The following DIP2B variants were observed in gnomAD, a reference collection of about 807,000 sequenced individuals.
DIP2B encodes the protein disco-interacting protein 2 homolog B.
DIP2B carries 76 observed loss-of-function variants against 198.0 expected under a neutral mutation model. The observed-to-expected ratio is 0.38, with a 90% CI of 0.32 to 0.46. The LOEUF is 0.46. DIP2B is among the 20% of genes least tolerant of loss of function. The pLI is 0.99. For missense variants in DIP2B, 1,559 were observed against 1,978.4 expected (o/e 0.79, Z 4.02); for synonymous variants, 701 against 739.1 (o/e 0.95, Z 0.84).
chr12:50,661,214 A>G (rs1295318258), intron 4 of DIP2B, among the ~76,000 whole-genome samples: 2 of 152,136 alleles, frequency 1.3e-5, no homozygotes, highest in Non-Finnish European at 1.5e-5. Flanking sequence ...GAGCCTCAAT[A>G]TAGTGTCTCT....
intron 1 of DIP2B, among the ~76,000 whole-genome samples, chr12:50,506,561 A>G (rs541929482): frequency 1.3e-5 from 2 of 152,166 alleles, no homozygotes; most frequent in South Asian, 4.1e-4. Flanking sequence ...AACTATCAAC[A>G]TGTTATTTTT....
intron 1 of DIP2B, among the ~76,000 whole-genome samples, chr12:50,607,730 G>A (rs1416674150): frequency 4.6e-5 from 7 of 152,232 alleles, no homozygotes; most frequent in Admixed American, 4.6e-4. Flanking sequence ...CAAGCTCTTA[G>A]TCTGAAAACA....
intron 1 of DIP2B, among the ~76,000 whole-genome samples, chr12:50,505,654 GC>G (rs147020802): frequency 0.013 from 2,021 of 152,046 alleles, 49 homozygotes; most frequent in African/African-American, 0.046. Flanking sequence ...CCTTGTTCCA[GC>G]CCCCCCTTCC....
At chr12:50,600,886 GACC>G (rs1375464817) in intron 1 of DIP2B, among the ~76,000 whole-genome samples, 2 of 135,086 alleles carry the variant, frequency 1.5e-5, no homozygotes, top group Non-Finnish European at 3.3e-5. Flanking sequence ...TCACCACCAT[GACC>G]ACCATCACCA....
At chr12:50,529,626 C>T (rs1376415352) in intron 1 of DIP2B, among the ~76,000 whole-genome samples, 1 of 152,190 alleles carries the variant, frequency 6.6e-6, no homozygotes, top group Non-Finnish European at 1.5e-5. Context: ...CCCATAGAAT[C>T]TTACATTTTA....
At chr12:50,629,329 CAAG>C (rs1255741719) in intron 2 of DIP2B, among the ~76,000 whole-genome samples, 1 of 152,162 alleles carries the variant, frequency 6.6e-6, no homozygotes, top group Non-Finnish European at 1.5e-5. Context: ...CAAATTGTAG[CAAG>C]CCCTCAGAAT....
chr12:50,581,819 T>C (rs912356693), intron 1 of DIP2B, among the ~76,000 whole-genome samples: 3 of 152,166 alleles, frequency 2.0e-5, no homozygotes, highest in Non-Finnish European at 4.4e-5. Flanking sequence ...ATGAGCTCAT[T>C]TGTTGCAGCA....
chr12:50,694,504 A>AATAAATAC (rs1939272268), intron 14 of DIP2B, among the ~76,000 whole-genome samples: 1 of 143,628 alleles, frequency 7.0e-6, no homozygotes, highest in Non-Finnish European at 1.5e-5. Context: ...CAGATAAATA[A>AATAAATAC]ATACATACAT....
chr12:50,533,100 A>G (rs925121806), intron 1 of DIP2B, among the ~76,000 whole-genome samples: 6 of 152,390 alleles, frequency 3.9e-5, no homozygotes, highest in African/African-American at 1.4e-4. Flanking sequence ...AGAACAAGAC[A>G]TGACCATATT....
intron 1 of DIP2B, among the ~76,000 whole-genome samples, chr12:50,623,435 ACACTCT>A (rs1213298331): frequency 2.5e-3 from 103 of 41,336 alleles, no homozygotes; most frequent in African/African-American, 8.0e-3. Flanking sequence ...ACACACACAC[ACACTCT>A]CTCTCTCTCT....
intron 1 of DIP2B, among the ~76,000 whole-genome samples, chr12:50,511,607 T>C (rs1958017477): frequency 6.6e-6 from 1 of 151,862 alleles, no homozygotes; most frequent in African/African-American, 2.4e-5. Flanking sequence ...ATGTATTTTC[T>C]AAGTATTTAA....
At chr12:50,633,319 A>G (rs1408132281) in intron 2 of DIP2B, 1 of 152,178 alleles carries the variant, frequency 6.6e-6, no homozygotes, top group Non-Finnish European at 1.5e-5. Context: ...CAATATAGAG[A>G]TTAGTATGGC....
chr12:50,652,717 C>T (rs1265493640), intron 3 of DIP2B, among the ~76,000 whole-genome samples: 1 of 152,012 alleles, frequency 6.6e-6, no homozygotes, highest in Non-Finnish European at 1.5e-5. Flanking sequence ...TGGACAGTAA[C>T]GACATTTTAA....
At chr12:50,665,577 T>A (rs1938737534) in intron 4 of DIP2B, among the ~76,000 whole-genome samples, 1 of 152,142 alleles carries the variant, frequency 6.6e-6, no homozygotes. Context: ...AGTTATCATC[T>A]CTACAAATAA....
chr12:50,604,958 T>TG (rs1351588514), intron 1 of DIP2B, among the ~76,000 whole-genome samples: 2 of 152,160 alleles, frequency 1.3e-5, no homozygotes, highest in Non-Finnish European at 2.9e-5. Flanking sequence ...TCACTTCAGA[T>TG]GCACAGGAGA....
intron 1 of DIP2B, among the ~76,000 whole-genome samples, chr12:50,551,846 G>C (rs1401408344): frequency 6.6e-6 from 1 of 152,184 alleles, no homozygotes; most frequent in African/African-American, 2.4e-5. Context: ...TCAGCCACAT[G>C]ATGATTGGAA....
At chr12:50,536,867 A>ATT (rs11390181) in intron 1 of DIP2B, among the ~76,000 whole-genome samples, 85 of 144,288 alleles carry the variant, frequency 5.9e-4, no homozygotes, top group Non-Finnish European at 9.7e-4. Flanking sequence ...CAATAATTGT[A>ATT]TTTTTTTTTT....
chr12:50,610,314 CT>C (rs977736539), intron 1 of DIP2B, among the ~76,000 whole-genome samples: 1 of 151,836 alleles, frequency 6.6e-6, no homozygotes, highest in African/African-American at 2.4e-5. Flanking sequence ...TGTTTTTTTC[CT>C]TTTAATTGCT....
intron 1 of DIP2B, among the ~76,000 whole-genome samples, chr12:50,566,389 T>C (rs1958563155): frequency 6.6e-6 from 1 of 152,232 alleles, no homozygotes; most frequent in Non-Finnish European, 1.5e-5. Context: ...CACTGTCTTT[T>C]GGCTTCCGTG....
Sources: allele counts gnomAD v4.1 joint callset (sites outside exome capture counted in the v4.1 genomes callset), GRCh38; gene constraint gnomAD v4.1.1; transcripts MANE v1.5; gene names NCBI Gene and HGNC (gene_info 2026-07-23, HGNC 2026-07-21).